FGF9: variants seen among roughly 807,000 people sequenced by gnomAD.
FGF9 encodes the protein fibroblast growth factor 9.
FGF9 carries 3 observed loss-of-function variants against 19.9 expected under a neutral mutation model. The observed-to-expected ratio is 0.15, with a 90% confidence interval of 0.07 to 0.39. The LOEUF (loss-of-function observed/expected upper bound fraction) is 0.39. Among genes scored for constraint, FGF9 ranks in the 10% least tolerant of loss-of-function variants. The pLI, the probability that FGF9 is intolerant of heterozygous loss-of-function variation, is 1.00. For missense variants in FGF9, 175 were observed against 256.8 expected, an observed-to-expected ratio of 0.68 and a Z score of 2.18; for synonymous variants, 107 against 106.9, an observed-to-expected ratio of 1.00 and a Z score of -0.01.
chr13:21,688,614 T>C (rs1593096147), intron 2 of FGF9, among the ~76,000 whole-genome samples: 1 of 152,334 alleles, frequency 6.6e-6, no homozygotes, highest in Non-Finnish European at 1.5e-5. Flanking sequence ...CTGATACATA[T>C]GCATGTTAAG....
intron 1 of FGF9, among the ~76,000 whole-genome samples, chr13:21,673,282 C>T (rs1333636694): frequency 6.6e-6 from 1 of 152,164 alleles, no homozygotes; most frequent in Admixed American, 6.5e-5. Context: ...TTTTCTTCCT[C>T]ATGCTTTAGT....
intron 2 of FGF9, among the ~76,000 whole-genome samples, chr13:21,685,575 G>A (rs940963476): frequency 1.3e-5 from 2 of 152,170 alleles, no homozygotes; most frequent in African/African-American, 4.8e-5. Flanking sequence ...TTGTATTCAC[G>A]TGATAATTTG....
rs564490885 is a variant in FGF9, at chr13:21,702,795, C to T, written c.*1360C>T. 20 of 152,212 alleles carry T rather than the reference C, an allele frequency of 1.3e-4. No individual in the cohort carries two copies. In the East Asian group the frequency reaches 2.5e-3, roughly 19 times the overall value. The allele number at this position is 152,212 out of a possible 1,614,324, so 9.4% of individuals were successfully genotyped here. A position where few individuals can be genotyped will look rare whatever the true frequency, so the allele number is the denominator to read the frequency against. ...GTCATAATTACGTGGTAATAGCACCCTTAGTAAAACTTGCAAAATGAAACT... is the reference window on the plus strand; with the variant it reads ...GTCATAATTACGTGGTAATAGCACCTTTAGTAAAACTTGCAAAATGAAACT... On this transcript the variant is annotated 3_prime_UTR_variant, in exon 3 of 3. Transcript: ENST00000382353.
intron 2 of FGF9, among the ~76,000 whole-genome samples, chr13:21,696,533 G>T (rs558462612): frequency 6.0e-5 from 4 of 66,248 alleles, no homozygotes; most frequent in African/African-American, 3.0e-4. Flanking sequence ...TCTATAAACC[G>T]TCTGCATTAG....
chr13:21,671,649 A>G lies in FGF9; in HGVS notation c.-264A>G. On this transcript the variant is annotated 5_prime_UTR_variant, in exon 1 of 3. Transcript: ENST00000382353. ...GCTGGGGATCTATCTATAGAGATAC[A>G]TAGATATGTTTATCAATATGTCAGT... 1.7e-6 allele frequency: 1 copy of G among 603,456 alleles called. No individual in the cohort carries two copies. Among genetic ancestry groups the G allele is most frequent in the African/African-American group, 1.9e-5 (1 of 54,030 alleles). The allele number at this position is 603,456 out of a possible 1,614,324, so 37.4% of individuals were successfully genotyped here. A position where few individuals can be genotyped will look rare whatever the true frequency, so the allele number is the denominator to read the frequency against.
chr13:21,679,720 C>G (rs1029359192), intron 1 of FGF9, among the ~76,000 whole-genome samples: 3 of 147,084 alleles, frequency 2.0e-5, no homozygotes, highest in African/African-American at 7.6e-5. Context: ...GGGTCGATCA[C>G]GAGGTCAGGA....
Position 21,671,986 on chromosome 13 carries a change from T to G in FGF9, c.74T>G (p.Leu25Trp). The G allele has an allele frequency of 6.2e-7, 1 of 1,614,214 alleles. No individual in the cohort carries two copies. The highest frequency in any genetic ancestry group is 8.5e-7 in the Non-Finnish European group (1 of 1,180,038). ...DAVPFGNVPVLPVDSPVLLSD... is the reference protein window; with the variant it reads ...DAVPFGNVPVWPVDSPVLLSD... ...GTACCGTTTGGGAATGTGCCCGTGT[T>G]GCCGGTGGACAGCCCGGTTTTGTTA... Residue 25 changes from leucine to tryptophan, a missense_variant, in exon 1 of 3, where the codon TTG becomes TGG. Physicochemically the swap from Leu to Trp is moderately conservative, Grantham distance 61 (BLOSUM62 -2). Transcript: ENST00000382353.
intron 1 of FGF9, chr13:21,673,857 C>G (rs1273687986): frequency 2.0e-5 from 3 of 150,788 alleles, no homozygotes; most frequent in Non-Finnish European, 4.5e-5. Context: ...GCCCGCTCGG[C>G]CGCCCGGGCC....
At chr13:21,682,014 C>CT (rs1180691495) in intron 2 of FGF9, among the ~76,000 whole-genome samples, 1,770 of 142,278 alleles carry the variant, frequency 0.012, 21 homozygotes, top group African/African-American at 0.035. Flanking sequence ...TCTTTTCTTT[C>CT]TTTTTTTTTT....
At chr13:21,673,625 G>A (rs1278694101) in intron 1 of FGF9, among the ~76,000 whole-genome samples, 1 of 152,236 alleles carries the variant, frequency 6.6e-6, no homozygotes, top group Non-Finnish European at 1.5e-5. Flanking sequence ...TAAAAGTGCC[G>A]TTTCCATCTG....
chr13:21,693,274 A>G (rs1427197056), intron 2 of FGF9, among the ~76,000 whole-genome samples: 5 of 152,086 alleles, frequency 3.3e-5, no homozygotes, highest in Admixed American at 3.3e-4. Context: ...TGATGTGAGT[A>G]TAGTGGGGGC....
In FGF9 at chr13:21,701,254, C is replaced by T. The variant is rs751903634; in HGVS notation, c.446C>T (p.Ser149Leu). The T allele has an allele frequency of 1.2e-6, 2 of 1,613,244 alleles. No individual in the cohort carries two copies. Among genetic ancestry groups the T allele is most frequent in the Non-Finnish European group, 1.7e-6 (2 of 1,179,458 alleles). The change falls in exon 3 of 3, where the codon TCA becomes TTA. Residue 149 changes from serine to leucine, a missense_variant. Ser to Leu is a moderately radical substitution (Grantham distance 145). Coordinates refer to ENST00000382353, the MANE Select transcript of FGF9 (RefSeq NM_002010.3). ...GAAGAAAACTGGTATAATACGTACT[C>T]ATCAAACCTATATAAGCACGTGGAC... is the stretch of plus-strand genomic sequence containing the variant. ...QFEENWYNTY[S>L]SNLYKHVDTG...
intron 1 of FGF9, among the ~76,000 whole-genome samples, chr13:21,674,387 AG>A (rs1226672148): frequency 1.4e-5 from 1 of 71,834 alleles, no homozygotes; most frequent in Non-Finnish European, 3.0e-5. Context: ...AGGCGGGCGG[AG>A]GGGGCGGCGT....
At chr13:21,693,049 G>A (rs535432606) in intron 2 of FGF9, among the ~76,000 whole-genome samples, 14 of 152,148 alleles carry the variant, frequency 9.2e-5, no homozygotes, top group South Asian at 2.1e-4. Flanking sequence ...CATCAGAGAC[G>A]GTCTCTCAGG....
chr13:21,671,736 T>G lies in FGF9; in HGVS notation c.-177T>G. 1 of 703,242 alleles carries G rather than the reference T, an allele frequency of 1.4e-6. No homozygotes were observed. The highest frequency in any genetic ancestry group is 2.7e-5 in the East Asian group (1 of 37,274). The allele number at this position is 703,242 out of a possible 1,614,324, so 43.6% of individuals were successfully genotyped here. On this transcript the variant is annotated 5_prime_UTR_variant, in exon 1 of 3. Coordinates refer to ENST00000382353, the MANE Select transcript of FGF9 (RefSeq NM_002010.3). ...TGGTTTGACCTTGAACCTGTGCCAG[T>G]GAAACAGCAGATTACTTTTATTTAT...
chr13:21,690,685 G>A (rs1872269343), intron 2 of FGF9, among the ~76,000 whole-genome samples: 1 of 152,174 alleles, frequency 6.6e-6, no homozygotes, highest in Non-Finnish European at 1.5e-5. Context: ...GTGGTCGTGG[G>A]CAAAAAATGT....
chr13:21,700,481 A>T (rs1872514668), intron 2 of FGF9, among the ~76,000 whole-genome samples: 1 of 152,244 alleles, frequency 6.6e-6, no homozygotes, highest in Non-Finnish European at 1.5e-5. Context: ...AAGGCATCTC[A>T]GGTGATTCTG....
chr13:21,678,338 G>A (rs1871961838), intron 1 of FGF9, among the ~76,000 whole-genome samples: 2 of 152,152 alleles, frequency 1.3e-5, no homozygotes, highest in South Asian at 4.1e-4. Context: ...TGTAAGATGT[G>A]CATAATAGTT....
At chr13:21,690,460 A>G (rs1872260681) in intron 2 of FGF9, among the ~76,000 whole-genome samples, 1 of 152,098 alleles carries the variant, frequency 6.6e-6, no homozygotes, top group Non-Finnish European at 1.5e-5. Context: ...CCTCATACTC[A>G]TGCACTACCT....
Sources: allele counts gnomAD v4.1 joint callset (sites outside exome capture counted in the v4.1 genomes callset), GRCh38; gene constraint gnomAD v4.1.1; transcripts MANE v1.5; gene names NCBI Gene and HGNC (gene_info 2026-07-23, HGNC 2026-07-21).